MRPS9: variants seen among roughly 807,000 people sequenced by gnomAD.
MRPS9 encodes small ribosomal subunit protein uS9m.
MRPS9 carries 45 observed loss-of-function variants against 59.9 expected under a neutral mutation model. The observed-to-expected ratio is 0.75, with a 90% CI of 0.59 to 0.96. The LOEUF (loss-of-function observed/expected upper bound fraction) is 0.96, where lower values mean the gene tolerates loss of function less well. Ranked by LOEUF, MRPS9 falls within the 40% of genes least tolerant of loss-of-function variation. The pLI, the probability that MRPS9 is intolerant of heterozygous loss-of-function variation, is 0.00. For missense variants in MRPS9, 473 were observed against 481.1 expected (o/e 0.98, Z 0.16); for synonymous variants, 171 against 166.8 (o/e 1.03, Z -0.19).
chr2:105,073,350 A>C (rs1680149102), intron 4 of MRPS9, among the ~76,000 whole-genome samples: 1 of 152,166 alleles, frequency 6.6e-6, no homozygotes, highest in African/African-American at 2.4e-5. Flanking sequence ...TGTTATTTTG[A>C]AAATATGTCA....
In MRPS9 at chr2:105,038,100, C is replaced by T. The variant is rs1424699048; in HGVS notation, c.8C>T (p.Ala3Val). 3.1e-6 allele frequency: 5 copies of T among 1,613,802 alleles called. No homozygotes were observed. The highest frequency in any genetic ancestry group is 3.3e-5 in the Admixed American group (2 of 60,018). MAAPCVSYGGAVS... is the reference protein window; with the variant it reads MAVPCVSYGGAVS... ...GGAGCTCCCACAGCTAACATGGCGG[C>T]GCCCTGTGTGTCCTACGGCGGAGCA... Residue 3 changes from alanine to valine, a missense_variant, in exon 1 of 11, where the codon GCG (alanine) becomes GTG (valine). Physicochemically the swap from Ala to Val is moderately conservative, Grantham distance 64. Coordinates refer to ENST00000258455, the MANE Select transcript of MRPS9 (RefSeq NM_182640.3).
rs143983521 is a variant in MRPS9 at position 105,077,954 on chromosome 2, T to C, written c.410-2029T>C. 3.1e-3 allele frequency among the ~76,000 whole-genome samples: 474 copies of C among 152,142 alleles called. 2 individuals carry two copies. The highest frequency in any genetic ancestry group is 0.011 in the African/African-American group (448 of 41,476). On this transcript the variant is annotated intron_variant, in intron 4 of 10. Transcript: ENST00000258455. Reference sequence around the variant, plus strand: ...CAACTTTTGGGAGAAACTTGTCAAGTCTAGTTGTGCAAGAAGCAGTGGGAA... The same window carrying C: ...CAACTTTTGGGAGAAACTTGTCAAGCCTAGTTGTGCAAGAAGCAGTGGGAA...
intron 2 of MRPS9, among the ~76,000 whole-genome samples, chr2:105,055,954 T>A (rs1483705588): frequency 2.6e-5 from 4 of 152,220 alleles, no homozygotes; most frequent in Admixed American, 2.6e-4. Flanking sequence ...TGGCTTTTAA[T>A]ATATTAATTA....
chr2:105,071,392 C>T lies in MRPS9; in HGVS notation c.378+17C>T. 1 of 1,601,880 alleles carries T rather than the reference C, an allele frequency of 6.2e-7. No homozygotes were observed. The highest frequency in any genetic ancestry group is 8.5e-7 in the Non-Finnish European group (1 of 1,173,708). ...GTAATGAAGGTAGTTATCTTAATTACTATTTTAAAAATTTCACTTTTATAT... is the reference window on the plus strand; with the variant it reads ...GTAATGAAGGTAGTTATCTTAATTATTATTTTAAAAATTTCACTTTTATAT... On this transcript the variant is annotated intron_variant, in intron 3 of 10. Coordinates refer to ENST00000258455, the MANE Select transcript of MRPS9 (RefSeq NM_182640.3).
intron 4 of MRPS9, 141 bp from the exon 5 acceptor site, chr2:105,079,842 T>A (rs769253097): frequency 8.7e-5 from 41 of 473,870 alleles, no homozygotes; most frequent in Non-Finnish European, 1.5e-4. Context: ...AAACTAAATA[T>A]TAAAATTCTA....
chr2:105,094,304 A>C lies in MRPS9; in HGVS notation c.929+666A>C, dbSNP rs563151500. 1.3e-3 allele frequency among the ~76,000 whole-genome samples: 203 copies of C among 152,330 alleles called. 1 individual carries two copies. Among genetic ancestry groups the C allele is most frequent in the Non-Finnish European group, 2.0e-3 (136 of 68,024 alleles). The stretch of plus-strand genomic sequence containing the variant: ...TCCTATGGAGAAATAGACATTAATC[A>C]TAAATAGATACTACAGCTCTTCTAA... On this transcript the variant is annotated intron_variant, in intron 9 of 10. Coordinates refer to ENST00000258455, the MANE Select transcript of MRPS9 (RefSeq NM_182640.3).
At chr2:105,082,036 C>T (rs1482897774) in intron 5 of MRPS9, among the ~76,000 whole-genome samples, 1 of 152,094 alleles carries the variant, frequency 6.6e-6, no homozygotes, top group African/African-American at 2.4e-5. Flanking sequence ...GTAGAAAGTC[C>T]AGCTATAACA....
chr2:105,038,500 C>CTAAG (rs1310215312), intron 1 of MRPS9: 1 of 447,008 alleles, frequency 2.2e-6, no homozygotes, highest in Non-Finnish European at 4.1e-6. Flanking sequence ...GGCTGCTGAG[C>CTAAG]TAAGTAAGGG....
intron 9 of MRPS9, among the ~76,000 whole-genome samples, chr2:105,095,487 A>ATTTTTTTTTT (rs138410859): frequency 7.1e-6 from 1 of 140,114 alleles, no homozygotes. Flanking sequence ...CAGTCTGTAC[A>ATTTTTTTTTT]TTTTTTTTTT....
chr2:105,058,957 C>T (rs1287089619), intron 2 of MRPS9, among the ~76,000 whole-genome samples: 1 of 151,998 alleles, frequency 6.6e-6, no homozygotes, highest in African/African-American at 2.4e-5. Flanking sequence ...GGATTACAGG[C>T]GTGAGCCACT....
chr2:105,069,242 T>G (rs908432375), intron 2 of MRPS9, among the ~76,000 whole-genome samples: 1 of 142,528 alleles, frequency 7.0e-6, no homozygotes, highest in Non-Finnish European at 1.5e-5. Flanking sequence ...TGAGACAGAG[T>G]CTCGCCCTGT....
intron 1 of MRPS9, among the ~76,000 whole-genome samples, chr2:105,043,388 G>A (rs1004844328): frequency 1.3e-5 from 2 of 152,172 alleles, no homozygotes; most frequent in Admixed American, 6.5e-5. Flanking sequence ...CTTTTTCGCT[G>A]GTTATAGTTG....
At chr2:105,046,410 C>T (rs1573415736) in intron 1 of MRPS9, among the ~76,000 whole-genome samples, 1 of 151,870 alleles carries the variant, frequency 6.6e-6, no homozygotes, top group Admixed American at 6.6e-5. Context: ...TTTGTCCTAA[C>T]GCTAATGCTT....
At chr2:105,051,366 T>G (rs1387096376) in intron 2 of MRPS9, among the ~76,000 whole-genome samples, 1 of 152,232 alleles carries the variant, frequency 6.6e-6, no homozygotes, top group African/African-American at 2.4e-5. Context: ...AGGGCTTATT[T>G]CTGGACCTTA....
chr2:105,083,165 T>A (rs1451847104), intron 5 of MRPS9, among the ~76,000 whole-genome samples: 1 of 152,154 alleles, frequency 6.6e-6, no homozygotes, highest in Non-Finnish European at 1.5e-5. Context: ...TAAAGTTTCC[T>A]GAAACAATTG....
rs1260082790 is a variant in MRPS9 at position 105,080,002 on chromosome 2, T to C, written c.429T>C (p.Asp143=). The part of the protein sequence containing the change: ...PRQRAIQWGE[D]GRPFHYLFYT... ...AATCAGCAATCCAGTGGGGAGAAGA[T>C]GGCCGTCCATTTCACTATCTCTTCT... The change falls in exon 5 of 11, where the codon GAT becomes GAC. Residue 143 remains aspartate (D), a synonymous_variant. Coordinates refer to ENST00000258455, the MANE Select transcript of MRPS9 (RefSeq NM_182640.3). 4 of 1,611,894 alleles carry C rather than the reference T, an allele frequency of 2.5e-6. No individual in the cohort carries two copies. The highest frequency in any genetic ancestry group is 1.1e-5 in the South Asian group (1 of 90,808).
intron 2 of MRPS9, among the ~76,000 whole-genome samples, chr2:105,050,120 A>G (rs1020428301): frequency 2.6e-5 from 4 of 151,700 alleles, no homozygotes; most frequent in African/African-American, 9.7e-5. Flanking sequence ...TTATTCAACC[A>G]GAAGGATTTT....
chr2:105,072,433 C>T (rs1470839236), intron 4 of MRPS9, among the ~76,000 whole-genome samples: 4 of 151,518 alleles, frequency 2.6e-5, no homozygotes, highest in African/African-American at 9.7e-5. Flanking sequence ...TAGCAACTTG[C>T]CTTTCTAGAG....
At chr2:105,051,872 A>G (rs1234165347) in intron 2 of MRPS9, among the ~76,000 whole-genome samples, 1 of 152,014 alleles carries the variant, frequency 6.6e-6, no homozygotes, top group Non-Finnish European at 1.5e-5. Flanking sequence ...ATTTTTGTAT[A>G]TTTTTGATTT....
Sources: gnomAD v4.1 joint callset for allele counts (sites outside exome capture counted in the v4.1 genomes callset) on GRCh38, gnomAD v4.1.1 for gene constraint, MANE v1.5 for transcripts, NCBI Gene and HGNC (gene_info 2026-07-23, HGNC 2026-07-21) for gene names.